The following PDE4D variants were observed in gnomAD, a reference collection of about 807,000 sequenced individuals.
PDE4D encodes phosphodiesterase 4D.
In PDE4D, 24 loss-of-function variants were observed where a neutral mutation model predicts 87.4. The observed-to-expected ratio is 0.27, with a 90% CI of 0.20 to 0.39. The LOEUF (loss-of-function observed/expected upper bound fraction) is 0.39. Ranked by LOEUF, PDE4D falls within the 10% of genes least tolerant of loss-of-function variation. The pLI is 1.00. For missense variants in PDE4D, 714 were observed against 1,041.0 expected (o/e 0.69, Z 4.32); for synonymous variants, 384 against 383.2 (o/e 1.00, Z -0.02).
At chr5:60,470,315 A>C (rs780567170) in intron 1 of PDE4D, among the ~76,000 whole-genome samples, 2 of 152,210 alleles carry the variant, frequency 1.3e-5, no homozygotes, top group African/African-American at 4.8e-5. Context: ...TTAATAAAAT[A>C]AACTGTTTCC....
At chr5:59,069,305 G>A (rs1764387282) in intron 5 of PDE4D, among the ~76,000 whole-genome samples, 1 of 152,092 alleles carries the variant, frequency 6.6e-6, no homozygotes, top group South Asian at 2.1e-4. Flanking sequence ...TCACAGCATT[G>A]AACAAAAGAT....
In PDE4D at chr5:59,200,296, T is replaced by C. The variant is rs191885140; in HGVS notation, c.648-6760A>G. ...ATGTACAGCTACAAGTATACATACATATGTGTATGTACAGCTACACGTATA... is the reference window on the plus strand; with the variant it reads ...ATGTACAGCTACAAGTATACATACACATGTGTATGTACAGCTACACGTATA... On this transcript the variant is annotated intron_variant, in intron 2 of 14. Coordinates refer to ENST00000340635, the MANE Select transcript of PDE4D (RefSeq NM_001104631.2). Among the ~76,000 whole-genome samples the C allele has an allele frequency of 7.7e-4, 82 of 107,006 alleles. 1 individual carries two copies. Among genetic ancestry groups the C allele is most frequent in the South Asian group, 7.0e-3 (27 of 3,846 alleles). The allele number at this position is 107,006 out of a possible 152,430, so 70.2% of individuals were successfully genotyped here. A position where few individuals can be genotyped will look rare whatever the true frequency, so the allele number is the denominator to read the frequency against.
intron 5 of PDE4D, among the ~76,000 whole-genome samples, chr5:59,131,339 A>C (rs990026251): frequency 2.6e-5 from 4 of 152,170 alleles, no homozygotes; most frequent in African/African-American, 9.7e-5. Context: ...TGCCTAGTAC[A>C]CAAGTACCAG....
At chr5:59,170,518 A>C (rs76776911) in intron 5 of PDE4D, among the ~76,000 whole-genome samples, 17,242 of 152,130 alleles carry the variant, frequency 0.11, 1,384 homozygotes, top group African/African-American at 0.23. Context: ...CAAACTAACA[A>C]CTGGGACCTG....
At chr5:59,143,420 T>C (rs975204230) in intron 5 of PDE4D, among the ~76,000 whole-genome samples, 4 of 152,216 alleles carry the variant, frequency 2.6e-5, no homozygotes, top group African/African-American at 9.6e-5. Context: ...TATATCAATT[T>C]AATATAGGGA....
At chr5:58,979,027 G>A (rs1744485476) in intron 11 of PDE4D, among the ~76,000 whole-genome samples, 1 of 152,166 alleles carries the variant, frequency 6.6e-6, no homozygotes, top group Non-Finnish European at 1.5e-5. Flanking sequence ...ATGTAGACAA[G>A]CAGTGTTAAC....
At chr5:60,127,316 C>A (rs1030389201) in intron 2 of PDE4D, among the ~76,000 whole-genome samples, 3 of 152,084 alleles carry the variant, frequency 2.0e-5, no homozygotes, top group African/African-American at 7.2e-5. Context: ...AATGGGAAAC[C>A]GCTAACTGGT....
At chr5:59,442,198 T>C (rs970834475) in intron 1 of PDE4D, among the ~76,000 whole-genome samples, 3 of 152,194 alleles carry the variant, frequency 2.0e-5, no homozygotes, top group East Asian at 1.9e-4. Flanking sequence ...AAAGAAATTA[T>C]AGGCAGTATC....
intron 1 of PDE4D, among the ~76,000 whole-genome samples, chr5:60,235,883 A>G (rs973512999): frequency 6.6e-6 from 1 of 151,886 alleles, no homozygotes; most frequent in African/African-American, 2.4e-5. Context: ...TTAGACTTTA[A>G]TAGTTTATTG....
chr5:59,649,569 A>G (rs2150229636), intron 1 of PDE4D, among the ~76,000 whole-genome samples: 1 of 152,118 alleles, frequency 6.6e-6, no homozygotes, highest in South Asian at 2.1e-4. Flanking sequence ...TGAGATGGTA[A>G]TGGCCAAAGG....
At chr5:59,684,121 G>A (rs895769499) in intron 1 of PDE4D, among the ~76,000 whole-genome samples, 4 of 151,906 alleles carry the variant, frequency 2.6e-5, no homozygotes, top group African/African-American at 7.3e-5. Flanking sequence ...AACTCCTAAC[G>A]AGCTAGTCAC....
intron 1 of PDE4D, among the ~76,000 whole-genome samples, chr5:59,834,888 G>A (rs565339284): frequency 4.6e-5 from 7 of 152,032 alleles, no homozygotes; most frequent in Non-Finnish European, 2.9e-5. Flanking sequence ...CAGATTTTTT[G>A]GGAATTTGCT....
chr5:59,201,658 C>G (rs1007539027), intron 2 of PDE4D, among the ~76,000 whole-genome samples: 2 of 152,122 alleles, frequency 1.3e-5, no homozygotes, highest in Non-Finnish European at 2.9e-5. Flanking sequence ...AAACTAGCTC[C>G]ATTTAAGTCA....
intron 10 of PDE4D, among the ~76,000 whole-genome samples, chr5:58,989,292 G>C (rs1346888541): frequency 6.6e-6 from 1 of 152,042 alleles, no homozygotes; most frequent in African/African-American, 2.4e-5. Flanking sequence ...TATTTCTTAA[G>C]AAAATCAAAT....
intron 2 of PDE4D, among the ~76,000 whole-genome samples, chr5:59,205,990 AGTTCCCTGC>A (rs1748710070): frequency 6.6e-6 from 1 of 152,142 alleles, no homozygotes. Flanking sequence ...TCTGCTCTGA[AGTTCCCTGC>A]GTCTTAAAGA....
chr5:60,172,815 C>T (rs2149485065), intron 2 of PDE4D, among the ~76,000 whole-genome samples: 1 of 152,202 alleles, frequency 6.6e-6, no homozygotes, highest in East Asian at 1.9e-4. Context: ...CCAGAGTCCT[C>T]CAAAGTACTG....
intron 6 of PDE4D, among the ~76,000 whole-genome samples, chr5:59,019,307 A>G (rs1754633159): frequency 6.6e-6 from 1 of 151,936 alleles, no homozygotes; most frequent in South Asian, 2.1e-4. Context: ...TTTCAGTACA[A>G]TTTCCCCTTG....
At chr5:59,218,731 A>G (rs574876915) in intron 1 of PDE4D, among the ~76,000 whole-genome samples, 46 of 152,276 alleles carry the variant, frequency 3.0e-4, no homozygotes, top group African/African-American at 1.1e-3. Context: ...ATGACATCCA[A>G]AAAACAAAGT....
chr5:59,643,676 T>C (rs1190334092), intron 1 of PDE4D, among the ~76,000 whole-genome samples: 2 of 152,232 alleles, frequency 1.3e-5, no homozygotes, highest in African/African-American at 4.8e-5. Flanking sequence ...GTAAGCACGG[T>C]ACAATTAGCA....
Sources: gnomAD v4.1 joint callset for allele counts (sites outside exome capture counted in the v4.1 genomes callset) on GRCh38, gnomAD v4.1.1 for gene constraint, MANE v1.5 for transcripts, NCBI Gene and HGNC (gene_info 2026-07-23, HGNC 2026-07-21) for gene names.